Variants in SLIT1 observed in about 807,000 individuals in gnomAD.
SLIT1 encodes slit guidance ligand 1, also known as slit homolog 1 protein.
SLIT1 carries 66 observed loss-of-function variants against 186.1 expected under a neutral mutation model. That is an observed-to-expected ratio of 0.35 (90% CI 0.29 to 0.44). The LOEUF (loss-of-function observed/expected upper bound fraction) is 0.44, where lower values mean the gene tolerates loss of function less well. SLIT1 is among the 20% of genes least tolerant of loss of function. SLIT1 has a pLI of 1.00. For synonymous variants in SLIT1, 761 were observed against 833.8 expected (o/e 0.91, Z 1.50); for missense variants, 1,638 against 2,037.4 (o/e 0.80, Z 3.77).
At chr10:97,096,370 C>T (rs368067219) in intron 4 of SLIT1, among the ~76,000 whole-genome samples, 196 of 152,262 alleles carry the variant, frequency 1.3e-3, no homozygotes, top group African/African-American at 4.5e-3. Context: ...CTCGCCATCA[C>T]GCCCTCGAGC....
chr10:97,137,347 TG>T (rs932279855), intron 4 of SLIT1, among the ~76,000 whole-genome samples: 1 of 152,174 alleles, frequency 6.6e-6, no homozygotes. Flanking sequence ...TCTCTTTGTT[TG>T]GGGGGAAAAA....
intron 22 of SLIT1, among the ~76,000 whole-genome samples, chr10:97,035,492 G>T (rs982508233): frequency 6.6e-6 from 1 of 152,080 alleles, no homozygotes; most frequent in Admixed American, 6.5e-5. Flanking sequence ...CATCTGATCC[G>T]CCCCTGGCTG....
intron 1 of SLIT1, among the ~76,000 whole-genome samples, chr10:97,168,814 C>T (rs4919077): frequency 0.2 from 30,230 of 152,112 alleles, 3,291 homozygotes; most frequent in Non-Finnish European, 0.25. Context: ...GCAACTAAAG[C>T]AATTGACTAT....
chr10:97,172,727 C>A (rs1850206461), intron 1 of SLIT1, among the ~76,000 whole-genome samples: 2 of 152,176 alleles, frequency 1.3e-5, no homozygotes, highest in African/African-American at 2.4e-5. Flanking sequence ...CATAGCAAGA[C>A]CCTGTCTCAA....
chr10:97,001,401 GC>G, intron 36 of SLIT1, 51 bp from the exon 37 acceptor site: 1 of 1,429,398 alleles, frequency 7.0e-7, no homozygotes. Context: ...CCATGGGTGA[GC>G]TGCTGCCTCC....
chr10:97,053,067 G>A (rs1206145055), intron 13 of SLIT1, among the ~76,000 whole-genome samples: 1 of 152,144 alleles, frequency 6.6e-6, no homozygotes, highest in Admixed American at 6.5e-5. Context: ...CTGCAACATT[G>A]GGTGTGTCAC....
chr10:97,152,683 T>C (rs1406431791), intron 4 of SLIT1, among the ~76,000 whole-genome samples: 3 of 152,216 alleles, frequency 2.0e-5, no homozygotes, highest in Non-Finnish European at 4.4e-5. Flanking sequence ...GGAGGTTTCC[T>C]ACCGTAAACG....
chr10:97,077,638 T>C (rs1299046388), intron 4 of SLIT1, among the ~76,000 whole-genome samples: 1 of 152,158 alleles, frequency 6.6e-6, no homozygotes, highest in Non-Finnish European at 1.5e-5. Flanking sequence ...AGTTGTATTG[T>C]CCGTGAGGCT....
chr10:97,182,097 T>C (rs1030072265), intron 1 of SLIT1, among the ~76,000 whole-genome samples: 1 of 152,214 alleles, frequency 6.6e-6, no homozygotes, highest in African/African-American at 2.4e-5. Flanking sequence ...TAACTGTTCA[T>C]TACAGTGAAT....
intron 4 of SLIT1, among the ~76,000 whole-genome samples, chr10:97,070,993 G>A (rs1284757522): frequency 2.0e-5 from 3 of 152,118 alleles, no homozygotes; most frequent in Admixed American, 6.5e-5. Context: ...CTCTACGGGT[G>A]GAGACAGGGT....
chr10:97,120,564 G>T (rs181388845), intron 4 of SLIT1, among the ~76,000 whole-genome samples: 7 of 152,186 alleles, frequency 4.6e-5, no homozygotes, highest in Non-Finnish European at 1.0e-4. Context: ...CCGTGTGCAC[G>T]GGCGGCTCTG....
chr10:97,036,013 G>A (rs1033735085), intron 22 of SLIT1, among the ~76,000 whole-genome samples: 3 of 151,982 alleles, frequency 2.0e-5, no homozygotes, highest in Admixed American at 6.6e-5. Flanking sequence ...ACGACTTTAT[G>A]CGCTCCCTCC....
At chr10:97,071,834 C>T (rs1849003807) in intron 4 of SLIT1, among the ~76,000 whole-genome samples, 1 of 152,214 alleles carries the variant, frequency 6.6e-6, no homozygotes, top group African/African-American at 2.4e-5. Flanking sequence ...TTAAAAATGA[C>T]AGTGTAGCCT....
intron 4 of SLIT1, among the ~76,000 whole-genome samples, chr10:97,150,877 C>T (rs1422498325): frequency 6.6e-6 from 1 of 152,178 alleles, no homozygotes. Context: ...ATCCCTCTAA[C>T]CTTCAACTTA....
intron 1 of SLIT1, among the ~76,000 whole-genome samples, chr10:97,183,803 T>C (rs1371405585): frequency 1.3e-5 from 2 of 152,010 alleles, no homozygotes; most frequent in Admixed American, 6.6e-5. Flanking sequence ...GAAACTCCAG[T>C]GGACAAGGCA....
intron 4 of SLIT1, among the ~76,000 whole-genome samples, chr10:97,125,847 CA>C (rs375216155): frequency 0.029 from 4,318 of 148,292 alleles, 159 homozygotes; most frequent in African/African-American, 0.091. Context: ...AAAACAAAAA[CA>C]AAAAAAAACA....
chr10:97,008,083 GAT>G (rs1848376787), intron 31 of SLIT1, among the ~76,000 whole-genome samples: 1 of 151,716 alleles, frequency 6.6e-6, no homozygotes, highest in East Asian at 1.9e-4. Flanking sequence ...GGAAAGGAAA[GAT>G]AAATAAAATG....
At chr10:97,081,123 G>A (rs1479019320) in intron 4 of SLIT1, among the ~76,000 whole-genome samples, 11 of 152,242 alleles carry the variant, frequency 7.2e-5, no homozygotes, top group South Asian at 4.1e-4. Context: ...GGGTTCTCCC[G>A]GTTGAGGACC....
intron 4 of SLIT1, among the ~76,000 whole-genome samples, chr10:97,156,148 G>A (rs551872880): frequency 6.6e-6 from 1 of 152,346 alleles, no homozygotes; most frequent in South Asian, 2.1e-4. Flanking sequence ...TCAAGCCCAA[G>A]GGTGGTGGCA....
Sources: gnomAD v4.1 joint callset for allele counts (sites outside exome capture counted in the v4.1 genomes callset) on GRCh38, gnomAD v4.1.1 for gene constraint, MANE v1.5 for transcripts, NCBI Gene and HGNC (gene_info 2026-07-23, HGNC 2026-07-21) for gene names.